The following MYO16 variants were observed in gnomAD, a reference collection of about 807,000 sequenced individuals.
MYO16 encodes the protein unconventional myosin-XVI.
A neutral mutation model predicts 205.3 loss-of-function variants in MYO16; 94 were observed. The ratio of observed to expected loss-of-function variants is 0.46; its 90% CI spans 0.39 to 0.54. The LOEUF (loss-of-function observed/expected upper bound fraction) is 0.54, where lower values mean the gene tolerates loss of function less well. Among genes scored for constraint, MYO16 ranks in the 20% least tolerant of loss-of-function variants. The pLI is 0.00. For synonymous variants in MYO16, 988 were observed against 954.0 expected (o/e 1.04, Z -0.66); for missense variants, 2,315 against 2,387.5 (o/e 0.97, Z 0.63).
At chr13:108,676,697 G>GCAAGTTA (rs1778444606) in intron 2 of MYO16, among the ~76,000 whole-genome samples, 1 of 152,184 alleles carries the variant, frequency 6.6e-6, no homozygotes, top group Non-Finnish European at 1.5e-5. Context: ...TGACACTGCT[G>GCAAGTTA]CAAGTTACGG....
intron 4 of MYO16, among the ~76,000 whole-genome samples, chr13:108,775,377 T>G (rs1886091595): frequency 6.6e-6 from 1 of 152,208 alleles, no homozygotes; most frequent in South Asian, 2.1e-4. Context: ...AGAGAAAAAT[T>G]ATATTGTAGA....
intron 12 of MYO16, among the ~76,000 whole-genome samples, chr13:108,875,859 G>A (rs1310455652): frequency 2.6e-5 from 4 of 152,086 alleles, no homozygotes; most frequent in Non-Finnish European, 5.9e-5. Context: ...GGGCAGCTGA[G>A]CGAGACCCTG....
At chr13:108,585,115 C>T in the MYO16 span, among the ~76,000 whole-genome samples, 9 of 152,256 alleles carry the variant, frequency 5.9e-5, no homozygotes, top group East Asian at 1.7e-3. Context: ...AAGAGTCAAA[C>T]TCTGTAAAAT....
intron 4 of MYO16, among the ~76,000 whole-genome samples, chr13:108,743,414 G>T (rs953488181): frequency 6.6e-6 from 1 of 152,162 alleles, no homozygotes; most frequent in Non-Finnish European, 1.5e-5. Context: ...TTTGAAAAGG[G>T]TGATAGGGAA....
At chr13:109,042,998 A>G (rs570184475) in intron 23 of MYO16, among the ~76,000 whole-genome samples, 2 of 152,316 alleles carry the variant, frequency 1.3e-5, no homozygotes, top group South Asian at 4.1e-4. Context: ...TTTTTACTTT[A>G]GTTTGAATGG....
chr13:108,501,179 G>A, the MYO16 span, among the ~76,000 whole-genome samples: 2 of 152,222 alleles, frequency 1.3e-5, no homozygotes, highest in Middle Eastern at 3.4e-3. Context: ...GACTTTCCCT[G>A]GCACTGTGGT....
At chr13:108,784,441 C>T (rs1486822578) in intron 4 of MYO16, among the ~76,000 whole-genome samples, 3 of 152,074 alleles carry the variant, frequency 2.0e-5, no homozygotes, top group Non-Finnish European at 4.4e-5. Context: ...AGAAACTCAA[C>T]TTATCTTGGG....
chr13:108,860,209 T>C (rs1275441850), intron 11 of MYO16, among the ~76,000 whole-genome samples: 2 of 152,156 alleles, frequency 1.3e-5, no homozygotes, highest in East Asian at 1.9e-4. Context: ...GTTTCCTTCT[T>C]TGCATTCATA....
intron 1 of MYO16, among the ~76,000 whole-genome samples, chr13:108,622,781 A>C (rs1378576811): frequency 6.6e-6 from 1 of 152,094 alleles, no homozygotes; most frequent in Non-Finnish European, 1.5e-5. Flanking sequence ...CATGAATCAG[A>C]GACATGGATC....
intron 2 of MYO16, among the ~76,000 whole-genome samples, chr13:108,690,646 T>TTA (rs1882860569): frequency 6.6e-6 from 1 of 152,174 alleles, no homozygotes; most frequent in East Asian, 1.9e-4. Context: ...GTGAATCTAA[T>TTA]ATTTATGCAA....
chr13:108,531,722 G>C, the MYO16 span, among the ~76,000 whole-genome samples: 1 of 151,836 alleles, frequency 6.6e-6, no homozygotes. Context: ...CACAGGGCCT[G>C]TAAATAAAAT....
intron 1 of MYO16, among the ~76,000 whole-genome samples, chr13:108,662,921 G>C (rs1009300793): frequency 2.0e-5 from 3 of 152,138 alleles, no homozygotes; most frequent in Non-Finnish European, 4.4e-5. Context: ...GAGCTCCCAG[G>C]ACCTTTCTGC....
chr13:109,110,055 G>A (rs1012477194), intron 28 of MYO16, among the ~76,000 whole-genome samples: 3 of 152,192 alleles, frequency 2.0e-5, no homozygotes, highest in Admixed American at 6.5e-5. Context: ...AGTGCCAAAG[G>A]CCATGACCAT....
chr13:109,096,743 C>T (rs1164650225), intron 27 of MYO16, among the ~76,000 whole-genome samples: 6 of 123,136 alleles, frequency 4.9e-5, no homozygotes, highest in Non-Finnish European at 1.1e-4. Context: ...TGTCCCCTTA[C>T]TCTGGGCGAG....
At position 109,052,313 on chromosome 13, in the gene MYO16, C is replaced by G. The variant is rs148398718; in HGVS notation, c.2886C>G (p.Val962=). ...TTTATTTCCTAGCTAGTGAAAATGT[C>G]GTGATCAATCATTTGTTCCAGTCGA... The part of the protein sequence containing the change: ...LLFVMKTSEN[V]VINHLFQSKL... The change falls in exon 25 of 35, where the codon GTC becomes GTG. Residue 962 remains valine, a synonymous_variant. Transcript: ENST00000457511. 6.2e-7 allele frequency: 1 copy of G among 1,612,198 alleles called. No individual in the cohort carries two copies. Among genetic ancestry groups the G allele is most frequent in the African/African-American group, 1.3e-5 (1 of 74,856 alleles).
chr13:108,904,733 T>C (rs1325497316), intron 15 of MYO16, among the ~76,000 whole-genome samples: 1 of 152,166 alleles, frequency 6.6e-6, no homozygotes, highest in African/African-American at 2.4e-5. Context: ...GTCTTTCCCA[T>C]TGACTTCCAG....
At chr13:108,761,084 A>G (rs1239926101) in intron 4 of MYO16, among the ~76,000 whole-genome samples, 1 of 152,128 alleles carries the variant, frequency 6.6e-6, no homozygotes, top group Non-Finnish European at 1.5e-5. Flanking sequence ...TTTGCCGTTT[A>G]TCTGTTGATG....
chr13:109,004,549 A>T (rs571689192), intron 21 of MYO16, among the ~76,000 whole-genome samples: 1 of 152,300 alleles, frequency 6.6e-6, no homozygotes, highest in South Asian at 2.1e-4. Context: ...TGACAAGTAG[A>T]TGTACTGCTT....
intron 2 of MYO16, among the ~76,000 whole-genome samples, chr13:108,667,772 A>T (rs999986767): frequency 6.6e-6 from 1 of 152,216 alleles, no homozygotes; most frequent in African/African-American, 2.4e-5. Context: ...GGTGCCAGGT[A>T]TGGTGGCTCA....
Sources: allele counts gnomAD v4.1 joint callset (sites outside exome capture counted in the v4.1 genomes callset), GRCh38; gene constraint gnomAD v4.1.1; transcripts MANE v1.5; gene names NCBI Gene and HGNC (gene_info 2026-07-23, HGNC 2026-07-21).